FOXP2: variants seen among roughly 807,000 people sequenced by gnomAD.
FOXP2 encodes forkhead box protein P2.
A neutral mutation model predicts 115.8 loss-of-function variants in FOXP2; 12 were observed. The ratio of observed to expected loss-of-function variants is 0.10; its 90% CI spans 0.07 to 0.17. The LOEUF is 0.17. Among genes scored for constraint, FOXP2 ranks in the 10% least tolerant of loss-of-function variants. The pLI, the probability that FOXP2 is intolerant of heterozygous loss-of-function variation, is 1.00. For synonymous variants in FOXP2, 328 were observed against 297.7 expected (o/e 1.10, Z -1.05); for missense variants, 629 against 843.5 (o/e 0.75, Z 3.15).
intron 3 of FOXP2, among the ~76,000 whole-genome samples, chr7:114,547,828 C>G (rs1340666411): frequency 6.6e-6 from 1 of 152,158 alleles, no homozygotes. Flanking sequence ...AGAAACTATA[C>G]TTCCTACATG....
chr7:114,322,852 A>C (rs1263883480), intron 2 of FOXP2, among the ~76,000 whole-genome samples: 3 of 152,066 alleles, frequency 2.0e-5, no homozygotes, highest in Non-Finnish European at 2.9e-5. Flanking sequence ...TTGTTGGTTG[A>C]TATTTATGTG....
intron 2 of FOXP2, among the ~76,000 whole-genome samples, chr7:114,527,989 C>T (rs1798954513): frequency 6.6e-6 from 1 of 152,050 alleles, no homozygotes; most frequent in Non-Finnish European, 1.5e-5. Flanking sequence ...TACAACATGA[C>T]TTCAGTATTG....
chr7:114,366,832 C>T (rs1387306714), intron 2 of FOXP2, among the ~76,000 whole-genome samples: 1 of 152,096 alleles, frequency 6.6e-6, no homozygotes, highest in Non-Finnish European at 1.5e-5. Flanking sequence ...TATTACCTCT[C>T]ATCACTATTA....
chr7:114,188,162 G>A (rs916324747), intron 1 of FOXP2, among the ~76,000 whole-genome samples: 2 of 152,066 alleles, frequency 1.3e-5, no homozygotes, highest in Non-Finnish European at 2.9e-5. Flanking sequence ...CACAGTCATG[G>A]TGCTCTACTA....
chr7:114,628,737 G>GA (rs768966743), intron 4 of FOXP2, 60 bp downstream of exon 4: 1 of 1,603,186 alleles, frequency 6.2e-7, no homozygotes, highest in Non-Finnish European at 8.5e-7. Context: ...CACTTATTTT[G>GA]AAAGTGCAGT....
rs1213729280 is a variant in FOXP2, at chr7:114,554,064, C to A, written c.258+19358C>A. On this transcript the variant is annotated intron_variant, in intron 3 of 16. Transcript: ENST00000350908. The stretch of plus-strand genomic sequence containing the variant: ...TTATTATGTCAATAACAGAGGATAC[C>A]AAAAATGTAAGGGATAGCATTATTT... 2.6e-5 allele frequency among the ~76,000 whole-genome samples: 4 copies of A among 151,912 alleles called. No individual in the cohort carries two copies. In the East Asian group the frequency reaches 7.7e-4, roughly 29 times the overall value.
intron 2 of FOXP2, among the ~76,000 whole-genome samples, chr7:114,370,400 C>A (rs1562890468): frequency 6.6e-6 from 1 of 152,178 alleles, no homozygotes; most frequent in Non-Finnish European, 1.5e-5. Context: ...TGGCTTTTGG[C>A]CAACAGACAT....
intron 2 of FOXP2, among the ~76,000 whole-genome samples, chr7:114,314,224 A>C (rs912462084): frequency 1.3e-5 from 2 of 149,694 alleles, no homozygotes; most frequent in African/African-American, 2.4e-5. Flanking sequence ...ATTATATTTT[A>C]TATAATATGA....
intron 2 of FOXP2, among the ~76,000 whole-genome samples, chr7:114,304,148 C>T (rs1796945357): frequency 6.6e-6 from 1 of 151,958 alleles, no homozygotes; most frequent in Non-Finnish European, 1.5e-5. Context: ...GTATTTGTGG[C>T]CACAGAAAGT....
chr7:114,135,855 C>G (rs926060454), intron 1 of FOXP2, among the ~76,000 whole-genome samples: 1 of 152,052 alleles, frequency 6.6e-6, no homozygotes, highest in Non-Finnish European at 1.5e-5. Context: ...GAATTTCCTT[C>G]CTAGTTCTCA....
chr7:114,425,303 A>G (rs1463880473), intron 1 of FOXP2, among the ~76,000 whole-genome samples: 1 of 151,600 alleles, frequency 6.6e-6, no homozygotes, highest in Admixed American at 6.6e-5. Flanking sequence ...ACTGTCTGGT[A>G]TTACTGTTAA....
intron 2 of FOXP2, among the ~76,000 whole-genome samples, chr7:114,493,489 T>A (rs1170842580): frequency 1.3e-5 from 2 of 152,142 alleles, no homozygotes; most frequent in African/African-American, 2.4e-5. Context: ...AGGAGGTATA[T>A]GAAAAATCTG....
chr7:114,415,478 G>A (rs927122306), intron 1 of FOXP2, 118 bp downstream of exon 1: 1 of 363,220 alleles, frequency 2.8e-6, no homozygotes, highest in Non-Finnish European at 5.3e-6. Flanking sequence ...TGAGACTGTA[G>A]CTCATTGAAA....
chr7:114,432,038 T>C (rs550819079), intron 2 of FOXP2, among the ~76,000 whole-genome samples: 1 of 152,110 alleles, frequency 6.6e-6, no homozygotes, highest in East Asian at 1.9e-4. Flanking sequence ...TTATGTAGTT[T>C]GAATTACAAT....
intron 2 of FOXP2, among the ~76,000 whole-genome samples, chr7:114,496,712 A>C (rs1398915237): frequency 6.6e-6 from 1 of 152,200 alleles, no homozygotes; most frequent in Admixed American, 6.5e-5. Context: ...CTTAAGACCT[A>C]AAGTTACTAA....
At chr7:114,230,724 A>G (rs1584562173) in intron 1 of FOXP2, among the ~76,000 whole-genome samples, 1 of 152,000 alleles carries the variant, frequency 6.6e-6, no homozygotes, top group African/African-American at 2.4e-5. Flanking sequence ...AATTACCTCA[A>G]CATAAGAAAG....
intron 1 of FOXP2, among the ~76,000 whole-genome samples, chr7:114,110,359 C>T (rs1442818246): frequency 1.3e-5 from 2 of 152,146 alleles, no homozygotes; most frequent in Non-Finnish European, 2.9e-5. Flanking sequence ...AAATTAACCA[C>T]AAGATGTATA....
chr7:114,243,347 G>T (rs1795200839), intron 1 of FOXP2, among the ~76,000 whole-genome samples: 1 of 151,820 alleles, frequency 6.6e-6, no homozygotes, highest in South Asian at 2.1e-4. Context: ...ACCCAATCAG[G>T]GACTAGACAG....
chr7:114,675,626 G>A lies in FOXP2; in HGVS notation c.2003+11190G>A, dbSNP rs141474283. ...TATTTTGAATGCTTAGATACAAAGA[G>A]TTATCATCATTAATTCAATAATCTT... On this transcript the variant is annotated intron_variant, in intron 16 of 16. Transcript: ENST00000350908. 4.3e-3 allele frequency among the ~76,000 whole-genome samples: 652 copies of A among 152,204 alleles called. 2 individuals are homozygous for A. The highest frequency in any genetic ancestry group is 7.1e-3 in the Non-Finnish European group (483 of 67,978).
Sources: gnomAD v4.1 joint callset for allele counts (sites outside exome capture counted in the v4.1 genomes callset) on GRCh38, gnomAD v4.1.1 for gene constraint, MANE v1.5 for transcripts, NCBI Gene and HGNC (gene_info 2026-07-23, HGNC 2026-07-21) for gene names.